Variants in ASIC2 observed in about 807,000 individuals in gnomAD.
ASIC2 encodes the protein acid-sensing ion channel 2.
ASIC2 carries 25 observed loss-of-function variants against 57.3 expected under a neutral mutation model. The observed-to-expected ratio is 0.44, with a 90% CI of 0.32 to 0.61. ASIC2 has a LOEUF of 0.61. Among genes scored for constraint, ASIC2 ranks in the 20% least tolerant of loss-of-function variants. ASIC2 has a pLI of 0.06. For missense variants in ASIC2, 641 were observed against 738.1 expected, an observed-to-expected ratio of 0.87 and a Z score of 1.52; for synonymous variants, 319 against 307.5, an observed-to-expected ratio of 1.04 and a Z score of -0.39.
At chr17:33,386,513 T>C (rs1909681791) in intron 1 of ASIC2, among the ~76,000 whole-genome samples, 1 of 152,242 alleles carries the variant, frequency 6.6e-6, no homozygotes, top group African/African-American at 2.4e-5. Context: ...ATATTGATTT[T>C]ACCTATTAAA....
chr17:33,305,058 T>C (rs1471769585), intron 1 of ASIC2, among the ~76,000 whole-genome samples: 1 of 152,154 alleles, frequency 6.6e-6, no homozygotes, highest in Non-Finnish European at 1.5e-5. Flanking sequence ...AAAATGCATG[T>C]CACAAAATCC....
intron 1 of ASIC2, among the ~76,000 whole-genome samples, chr17:33,771,848 T>C (rs941392660): frequency 6.6e-6 from 1 of 152,194 alleles, no homozygotes; most frequent in South Asian, 2.1e-4. Context: ...CTTCAAACAG[T>C]TATCTTGTTT....
At chr17:34,028,952 C>T (rs1418796976) in intron 1 of ASIC2, among the ~76,000 whole-genome samples, 1 of 152,186 alleles carries the variant, frequency 6.6e-6, no homozygotes, top group Non-Finnish European at 1.5e-5. Flanking sequence ...AGGGACTTTG[C>T]ATAGGCTTTT....
intron 1 of ASIC2, among the ~76,000 whole-genome samples, chr17:33,179,819 G>A (rs150447291): frequency 5.9e-5 from 9 of 152,318 alleles, no homozygotes; most frequent in Middle Eastern, 3.4e-3. Context: ...TCGTTCTAAC[G>A]TATCATTGTG....
chr17:33,967,187 C>A (rs1442164427), intron 1 of ASIC2, among the ~76,000 whole-genome samples: 2 of 152,100 alleles, frequency 1.3e-5, no homozygotes, highest in African/African-American at 2.4e-5. Flanking sequence ...CTTCAGCACC[C>A]ACCCCCCAAC....
chr17:33,850,935 A>G (rs317406), intron 1 of ASIC2, among the ~76,000 whole-genome samples: 87,450 of 151,716 alleles, frequency 0.58, 25,940 homozygotes, highest in East Asian at 0.92. Context: ...GCAAGGTTGG[A>G]AAACTACACC....
chr17:34,022,470 G>T (rs1300400569), intron 1 of ASIC2, among the ~76,000 whole-genome samples: 1 of 151,964 alleles, frequency 6.6e-6, no homozygotes, highest in Non-Finnish European at 1.5e-5. Flanking sequence ...AGTAAGATGG[G>T]CAATCACTGA....
chr17:33,395,247 A>G (rs969921426), intron 1 of ASIC2, among the ~76,000 whole-genome samples: 4 of 151,318 alleles, frequency 2.6e-5, no homozygotes, highest in Non-Finnish European at 5.9e-5. Flanking sequence ...CATCTGTATT[A>G]GTCCATTTTC....
At chr17:34,086,405 A>G (rs369429900) in intron 1 of ASIC2, among the ~76,000 whole-genome samples, 21,675 of 152,020 alleles carry the variant, frequency 0.14, 1,694 homozygotes, top group African/African-American at 0.19. Flanking sequence ...TCTGAGAGAT[A>G]GTTTGTTATA....
intron 1 of ASIC2, among the ~76,000 whole-genome samples, chr17:33,303,477 C>A (rs540074700): frequency 1.3e-5 from 2 of 152,318 alleles, no homozygotes; most frequent in African/African-American, 4.8e-5. Flanking sequence ...GAAGGCCACA[C>A]AAAAACATTT....
chr17:34,095,181 A>AC (rs61195940), intron 1 of ASIC2, among the ~76,000 whole-genome samples: 2,907 of 152,232 alleles, frequency 0.019, 95 homozygotes, highest in East Asian at 0.059. Flanking sequence ...TAGCAATCAA[A>AC]CCCTGGGAGA....
chr17:33,909,067 A>G (rs1304395940), intron 1 of ASIC2, among the ~76,000 whole-genome samples: 1 of 152,184 alleles, frequency 6.6e-6, no homozygotes, highest in Non-Finnish European at 1.5e-5. Flanking sequence ...CACCATTTTG[A>G]CACTGCCATT....
chr17:33,023,734 G>C lies in ASIC2; in HGVS notation c.1349+127C>G, dbSNP rs539807049. 6.9e-4 allele frequency: 872 copies of C among 1,259,494 alleles called. 2 individuals carry two copies. Among genetic ancestry groups the C allele is most frequent in the Non-Finnish European group, 8.9e-4 (795 of 896,402 alleles). The allele number at this position is 1,259,494 out of a possible 1,614,324, so 78.0% of individuals were successfully genotyped here. On this transcript the variant is annotated intron_variant, in intron 6 of 9. Coordinates refer to ENST00000225823, the MANE Select transcript of ASIC2 (RefSeq NM_183377.2). Reference sequence around the variant, plus strand: ...CATGGAGCGCAGAGCGTGACACACAGAGGGTGTTCAACTAATGTTTGCTAA... The same window carrying C: ...CATGGAGCGCAGAGCGTGACACACACAGGGTGTTCAACTAATGTTTGCTAA...
At chr17:33,310,518 A>AAGGTT (rs1438845831) in intron 1 of ASIC2, among the ~76,000 whole-genome samples, 1 of 152,152 alleles carries the variant, frequency 6.6e-6, no homozygotes, top group African/African-American at 2.4e-5. Context: ...GACGAGGACA[A>AAGGTT]AGGTTAGGGA....
At chr17:33,623,101 A>G (rs915463143) in intron 1 of ASIC2, among the ~76,000 whole-genome samples, 5 of 152,146 alleles carry the variant, frequency 3.3e-5, no homozygotes, top group Non-Finnish European at 7.4e-5. Context: ...CATTTTACAG[A>G]TGAAGGCCAC....
intron 1 of ASIC2, among the ~76,000 whole-genome samples, chr17:33,503,550 G>C (rs529195021): frequency 1.3e-5 from 2 of 152,196 alleles, no homozygotes; most frequent in Non-Finnish European, 2.9e-5. Flanking sequence ...CGGAGCCTTG[G>C]GGTCTAGTCT....
intron 1 of ASIC2, among the ~76,000 whole-genome samples, chr17:33,337,102 C>T (rs1164908426): frequency 6.6e-6 from 1 of 152,124 alleles, no homozygotes; most frequent in Admixed American, 6.5e-5. Context: ...CACAGAGGGC[C>T]TTGGAGATAA....
intron 1 of ASIC2, among the ~76,000 whole-genome samples, chr17:33,538,411 C>T (rs113165595): frequency 3.3e-5 from 5 of 152,220 alleles, no homozygotes; most frequent in South Asian, 2.1e-4. Flanking sequence ...AATGGGATCC[C>T]CAATTTGTTC....
At chr17:33,746,080 A>G (rs1289100577) in intron 1 of ASIC2, among the ~76,000 whole-genome samples, 3 of 152,034 alleles carry the variant, frequency 2.0e-5, no homozygotes, top group African/African-American at 7.2e-5. Context: ...AAATGATAAC[A>G]GATGGTAATT....
Sources: allele counts gnomAD v4.1 joint callset (sites outside exome capture counted in the v4.1 genomes callset), GRCh38; gene constraint gnomAD v4.1.1; transcripts MANE v1.5; gene names NCBI Gene and HGNC (gene_info 2026-07-23, HGNC 2026-07-21).